CYTH2: variants seen among roughly 807,000 people sequenced by gnomAD.
CYTH2 encodes cytohesin 2.
A neutral mutation model predicts 55.4 loss-of-function variants in CYTH2; 24 were observed. The observed-to-expected ratio is 0.43, with a 90% CI of 0.31 to 0.61. The LOEUF (loss-of-function observed/expected upper bound fraction) is 0.61. Ranked by LOEUF, CYTH2 falls within the 20% of genes least tolerant of loss-of-function variation. The pLI is 0.08. For missense variants in CYTH2, 378 were observed against 533.5 expected (o/e 0.71, Z 2.87); for synonymous variants, 221 against 209.6 (o/e 1.05, Z -0.47).
At chr19:48,475,874 T>G in intron 8 of CYTH2, 1 of 293,454 alleles carries the variant, frequency 3.4e-6, no homozygotes, top group Non-Finnish European at 7.1e-6. Flanking sequence ...TTAGATGTGG[T>G]TTATAATGGA....
Position 48,474,468 on chromosome 19 carries a change from C to G in CYTH2, c.696+138C>G. 2 of 953,592 alleles carry G rather than the reference C, an allele frequency of 2.1e-6. No individual in the cohort carries two copies. The highest frequency in any genetic ancestry group is 3.6e-5 in the South Asian group (2 of 56,102). 59.1% of individuals were successfully genotyped at this position (953,592 alleles called of 1,614,324 possible). A position where few individuals can be genotyped will look rare whatever the true frequency, so the allele number is the denominator to read the frequency against. Reference sequence around the variant, plus strand: ...GCGATCATGCCAACTCGTGTGTGATCTTTTTCTCTCTCTCTGGGTGCTTCT... The same window carrying G: ...GCGATCATGCCAACTCGTGTGTGATGTTTTTCTCTCTCTCTGGGTGCTTCT... On this transcript the variant is annotated intron_variant, in intron 7 of 11. Transcript: ENST00000452733. This position sits in a 1 kb window ranked among gnomAD's most constrained non-coding sequence, Gnocchi z 4.9.
intron 3 of CYTH2, among the ~76,000 whole-genome samples, chr19:48,471,446 C>T (rs1040968051): frequency 2.6e-5 from 4 of 152,236 alleles, no homozygotes; most frequent in African/African-American, 9.6e-5. Context: ...GCCACCGTGC[C>T]TGGCCTGTTC....
In CYTH2 at chr19:48,481,210, G is replaced by C. The variant is rs939626050; in HGVS notation, c.*2000G>C. The C allele has an allele frequency of 6.5e-6, 1 of 153,036 alleles. No homozygotes were observed. Among genetic ancestry groups the C allele is most frequent in the Admixed American group, 6.5e-5 (1 of 15,304 alleles). 9.5% of individuals were successfully genotyped at this position (153,036 alleles called of 1,614,324 possible). On this transcript the variant is annotated 3_prime_UTR_variant, in exon 12 of 12. Transcript: ENST00000452733. The stretch of plus-strand genomic sequence containing the variant: ...TTGGGCCACGCTAGGAGTCTTGAAA[G>C]AGGAGCCAAAAGGACTTGCTGAGAG...
At chr19:48,479,101 TG>T in intron 11 of CYTH2, 21 bp from the exon 12 acceptor site, 1 of 1,613,452 alleles carries the variant, frequency 6.2e-7, no homozygotes, top group Non-Finnish European at 8.5e-7. Flanking sequence ...GCCCTCATCC[TG>T]GGACCCCTCC....
At chr19:48,469,568 C>T in intron 1 of CYTH2, 42 bp downstream of exon 1, 1 of 1,315,422 alleles carries the variant, frequency 7.6e-7, no homozygotes, top group Non-Finnish European at 9.8e-7. Flanking sequence ...GTTGCTGGAG[C>T]GTTTTCTCCT....
At position 48,474,575 on chromosome 19, in the gene CYTH2, G is replaced by A. The variant is rs933224891; in HGVS notation, c.696+245G>A. 2.0e-5 allele frequency among the ~76,000 whole-genome samples: 3 copies of A among 151,958 alleles called. No individual in the cohort carries two copies. The highest frequency in any genetic ancestry group is 7.3e-5 in the African/African-American group (3 of 41,318). On this transcript the variant is annotated intron_variant, in intron 7 of 11. Coordinates refer to ENST00000452733, the MANE Select transcript of CYTH2 (RefSeq NM_004228.7). The surrounding 1 kb of genome is among the most constrained non-coding windows in gnomAD (Gnocchi z 4.9). ...TCTGTCTCTGGCTGTTGGGCTTTCC[G>A]GCCCTCGATTGGCCTCATTCCCCAT...
intron 1 of CYTH2, chr19:48,470,110 T>C (rs1971759750): frequency 1.4e-6 from 1 of 702,260 alleles, no homozygotes; most frequent in Non-Finnish European, 2.6e-6. Context: ...CAGGCACCCA[T>C]TCCCCTTCTC....
In CYTH2 at chr19:48,481,509, TG is replaced by T; in HGVS notation, c.*2300del. The T allele has an allele frequency of 1.1e-5, 2 of 185,326 alleles. No homozygotes were observed. The highest frequency in any genetic ancestry group is 5.9e-5 in the Admixed American group (1 of 16,994). The allele number at this position is 185,326 out of a possible 1,614,324, so 11.5% of individuals were successfully genotyped here. A position where few individuals can be genotyped will look rare whatever the true frequency, so the allele number is the denominator to read the frequency against. ...TTTGTAGGTTTTTTTTTTTGTTTTT[TG>T]TTTTGTTTTGTTTTGTTTTTGAGAG... is the stretch of plus-strand genomic sequence containing the variant. On this transcript the variant is annotated 3_prime_UTR_variant, in exon 12 of 12. Coordinates refer to ENST00000452733, the MANE Select transcript of CYTH2 (RefSeq NM_004228.7).
At chr19:48,471,351 C>T (rs375522544) in intron 3 of CYTH2, among the ~76,000 whole-genome samples, 1 of 152,128 alleles carries the variant, frequency 6.6e-6, no homozygotes, top group Non-Finnish European at 1.5e-5. Flanking sequence ...GGGGTTTCAC[C>T]ATGTTGGCCA....
In CYTH2 at chr19:48,481,024, G is replaced by C. The variant is rs1391270739; in HGVS notation, c.*1814G>C. 1.3e-5 allele frequency: 2 copies of C among 152,432 alleles called. No individual in the cohort carries two copies. The highest frequency in any genetic ancestry group is 6.5e-5 in the Admixed American group (1 of 15,290). The allele number at this position is 152,432 out of a possible 1,614,324, so 9.4% of individuals were successfully genotyped here. ...AGGGCCTCTGGCTGGATTCTTAGCA[G>C]ATGGAAGCCGTGCAAGGGCAGGAGG... On this transcript the variant is annotated 3_prime_UTR_variant, in exon 12 of 12. Coordinates refer to ENST00000452733, the MANE Select transcript of CYTH2 (RefSeq NM_004228.7).
At chr19:48,469,593 G>T in intron 1 of CYTH2, 67 bp downstream of exon 1, 1 of 1,320,512 alleles carries the variant, frequency 7.6e-7, no homozygotes, top group South Asian at 2.3e-5. Context: ...GTTCCGCCGC[G>T]AACGTTTCCC....
At position 48,479,874 on chromosome 19, in the gene CYTH2, TTGCTGA is replaced by T. The variant is rs1972015848; in HGVS notation, c.*667_*672del. On this transcript the variant is annotated 3_prime_UTR_variant, in exon 12 of 12. Coordinates refer to ENST00000452733, the MANE Select transcript of CYTH2 (RefSeq NM_004228.7). ...AGGTGGCCCATGTCCTGCAAGGGCC[TTGCTGA>T]TGGGATGTCCTGAAGGGCTGGGCAG... 1 of 148,858 alleles carries T rather than the reference TTGCTGA, an allele frequency of 6.7e-6. No individual in the cohort carries two copies. The highest frequency in any genetic ancestry group is 2.1e-4 in the South Asian group (1 of 4,740). The allele number at this position is 148,858 out of a possible 1,614,324, so 9.2% of individuals were successfully genotyped here.
At position 48,474,769 on chromosome 19, in the gene CYTH2, C is replaced by G; in HGVS notation, c.697-69C>G. The G allele has an allele frequency of 7.3e-7, 1 of 1,379,284 alleles. No homozygotes were observed. The highest frequency in any genetic ancestry group is 1.8e-5 in the Admixed American group (1 of 56,626). 85.4% of individuals were successfully genotyped at this position (1,379,284 alleles called of 1,614,324 possible). On this transcript the variant is annotated intron_variant, in intron 7 of 11. Transcript: ENST00000452733. The surrounding 1 kb of genome is among the most constrained non-coding windows in gnomAD (Gnocchi z 4.9). ...AGTCATCCCATCCCTGGTCTCGCTG[C>G]CCCCCACCCTGAGTAACCCTGGGGG... is the stretch of plus-strand genomic sequence containing the variant.
rs370721124 is a variant in CYTH2 at position 48,473,283 on chromosome 19, G to T, written c.354-15G>T. On this transcript the variant is annotated splice_polypyrimidine_tract_variant and intron_variant, in intron 4 of 11. Coordinates refer to ENST00000452733, the MANE Select transcript of CYTH2 (RefSeq NM_004228.7). ...TCCTTTCCAAACTGTATGTGTCTTT[G>T]TCCCATCCTTCCAGGGAAGAACTGA... is the stretch of plus-strand genomic sequence containing the variant. 22 of 1,613,714 alleles carry T rather than the reference G, an allele frequency of 1.4e-5. No homozygotes were observed. The highest frequency in any genetic ancestry group is 1.3e-4 in the African/African-American group (10 of 74,882).
At chr19:48,472,524 C>G in intron 4 of CYTH2, 81 bp downstream of exon 4, 1 of 1,131,758 alleles carries the variant, frequency 8.8e-7, no homozygotes, top group Non-Finnish European at 1.3e-6. Flanking sequence ...TGGCAGCTCA[C>G]AGGTGGAACA....
intron 8 of CYTH2, 185 bp from the exon 9 acceptor site, chr19:48,477,884 T>G: frequency 1.8e-6 from 1 of 564,080 alleles, no homozygotes; most frequent in Non-Finnish European, 3.2e-6. Context: ...AAGCTGGGGG[T>G]GGACGATTCC....
intron 1 of CYTH2, chr19:48,470,138 C>T (rs369759622): frequency 7.9e-5 from 61 of 776,250 alleles, no homozygotes; most frequent in African/African-American, 6.5e-4. Flanking sequence ...CTCAGGAATC[C>T]GGGCCCCAAT....
intron 8 of CYTH2, chr19:48,475,597 G>A (rs1971895461): frequency 6.4e-6 from 1 of 156,458 alleles, no homozygotes; most frequent in Non-Finnish European, 1.4e-5. Flanking sequence ...CACATTCAAG[G>A]TCGGTTAGCA....
rs1368541985 is a variant in CYTH2 at position 48,480,600 on chromosome 19, A to G, written c.*1390A>G. 1 of 151,804 alleles carries G rather than the reference A, an allele frequency of 6.6e-6. No individual in the cohort carries two copies. The highest frequency in any genetic ancestry group is 6.6e-5 in the Admixed American group (1 of 15,254). The allele number at this position is 151,804 out of a possible 1,614,324, so 9.4% of individuals were successfully genotyped here. On this transcript the variant is annotated 3_prime_UTR_variant, in exon 12 of 12. Transcript: ENST00000452733. ...TTTCCGGGCGTCGCAGTTTCCCGAG[A>G]CTCCGTGGCGGCGTTTGTCTTCTTT... is the stretch of plus-strand genomic sequence containing the variant.
Sources: allele counts gnomAD v4.1 joint callset (sites outside exome capture counted in the v4.1 genomes callset), GRCh38; gene constraint gnomAD v4.1.1; non-coding constraint Gnocchi (gnomAD v3.1); transcripts MANE v1.5; gene names NCBI Gene and HGNC (gene_info 2026-07-23, HGNC 2026-07-21).